FAM193A: variants seen among roughly 807,000 people sequenced by gnomAD.
FAM193A encodes the protein family with sequence similarity 193 member A.
In FAM193A, 22 loss-of-function variants were observed where a neutral mutation model predicts 126.5. The ratio of observed to expected loss-of-function variants is 0.17; its 90% CI spans 0.12 to 0.25. FAM193A has a LOEUF of 0.25. Ranked by LOEUF, FAM193A falls within the 10% of genes least tolerant of loss-of-function variation. The pLI is 1.00. For missense variants in FAM193A, 1,675 were observed against 1,672.8 expected (o/e 1.00, Z -0.02); for synonymous variants, 761 against 646.8 (o/e 1.18, Z -2.68).
intron 1 of FAM193A, among the ~76,000 whole-genome samples, chr4:2,572,240 A>C (rs1189060498): frequency 6.6e-6 from 1 of 151,134 alleles, no homozygotes; most frequent in Non-Finnish European, 1.5e-5. Context: ...GGGGCAGGAG[A>C]ATCGCTTGAA....
intron 20 of FAM193A, among the ~76,000 whole-genome samples, chr4:2,730,444 A>G (rs930517355): frequency 6.6e-6 from 1 of 152,124 alleles, no homozygotes. Flanking sequence ...TAATCCCAGC[A>G]TTTTGCGAGG....
At chr4:2,704,989 G>A (rs915156133) in intron 19 of FAM193A, among the ~76,000 whole-genome samples, 1 of 152,158 alleles carries the variant, frequency 6.6e-6, no homozygotes, top group African/African-American at 2.4e-5. Context: ...TCGGCTCACT[G>A]CAAGCTCCGC....
At chr4:2,601,227 C>CTT (rs1201989388) in intron 2 of FAM193A, among the ~76,000 whole-genome samples, 1,331 of 110,658 alleles carry the variant, frequency 0.012, 42 homozygotes, top group South Asian at 0.017. Context: ...TCTTCTTCTT[C>CTT]TTTTTTTTTT....
rs771979002 is a variant in FAM193A at position 2,676,036 on chromosome 4, A to G, written c.2331+3664A>G. 4.4e-4 allele frequency among the ~76,000 whole-genome samples: 67 copies of G among 152,240 alleles called. 1 individual carries two copies. The highest frequency in any genetic ancestry group is 6.9e-4 in the Non-Finnish European group (47 of 68,036). On this transcript the variant is annotated intron_variant, in intron 13 of 20. Transcript: ENST00000637812. ...CCCTATTTTGTGTCTCCATCAGTGAACACGTGTTGTTTCCATACATTAGCT... is the reference window on the plus strand; with the variant it reads ...CCCTATTTTGTGTCTCCATCAGTGAGCACGTGTTGTTTCCATACATTAGCT...
At chr4:2,666,845 G>A (rs1352689185) in intron 12 of FAM193A, among the ~76,000 whole-genome samples, 1 of 152,176 alleles carries the variant, frequency 6.6e-6, no homozygotes, top group African/African-American at 2.4e-5. Flanking sequence ...CTGCAGTGAT[G>A]CTAATTCTTG....
intron 2 of FAM193A, among the ~76,000 whole-genome samples, chr4:2,616,294 A>G (rs192701795): frequency 1.3e-5 from 2 of 152,280 alleles, no homozygotes; most frequent in East Asian, 3.9e-4. Context: ...TTTGTCTTAT[A>G]CTGAGAGCCA....
At position 2,659,896 on chromosome 4, in the gene FAM193A, C is replaced by T. The variant is rs1220066713; in HGVS notation, c.1587C>T (p.His529=). 1.2e-6 allele frequency: 2 copies of T among 1,614,028 alleles called. No individual in the cohort carries two copies. The highest frequency in any genetic ancestry group is 2.2e-5 in the East Asian group (1 of 44,892). Residue 529 remains histidine, a synonymous_variant, in exon 10 of 21, where the codon CAC becomes CAT. Transcript: ENST00000637812. The stretch of plus-strand genomic sequence containing the variant: ...CCGTCACTGATGACATCCACATTCA[C>T]CAGCTCCCACTTCAAGTGGATCCTG... ...DPPVTDDIHI[H]QLPLQVDPAP...
chr4:2,584,147 G>A (rs1164622967), intron 1 of FAM193A, among the ~76,000 whole-genome samples: 1 of 152,170 alleles, frequency 6.6e-6, no homozygotes, highest in East Asian at 1.9e-4. Flanking sequence ...GGTGTGAGGT[G>A]AAGTTGGAGG....
intron 13 of FAM193A, among the ~76,000 whole-genome samples, chr4:2,675,158 A>G (rs1714252327): frequency 6.6e-6 from 1 of 152,140 alleles, no homozygotes; most frequent in Non-Finnish European, 1.5e-5. Context: ...TTTATGGCCC[A>G]GAATTTGGTC....
At chr4:2,555,291 T>C (rs914711128) in intron 1 of FAM193A, among the ~76,000 whole-genome samples, 1 of 152,176 alleles carries the variant, frequency 6.6e-6, no homozygotes, top group African/African-American at 2.4e-5. Context: ...GTCATGGGCC[T>C]GTATAACATT....
At chr4:2,578,198 C>G (rs1011323826) in intron 1 of FAM193A, among the ~76,000 whole-genome samples, 1 of 152,178 alleles carries the variant, frequency 6.6e-6, no homozygotes, top group African/African-American at 2.4e-5. Flanking sequence ...CCTTGAGTAG[C>G]TGAGACCACA....
At chr4:2,675,006 CTG>C (rs1293565555) in intron 13 of FAM193A, among the ~76,000 whole-genome samples, 1 of 152,078 alleles carries the variant, frequency 6.6e-6, no homozygotes, top group African/African-American at 2.4e-5. Context: ...AAAATAAAAA[CTG>C]TAAGTGCCAG....
intron 5 of FAM193A, among the ~76,000 whole-genome samples, chr4:2,638,195 G>A (rs1023499370): frequency 6.6e-6 from 1 of 152,326 alleles, no homozygotes; most frequent in South Asian, 2.1e-4. Flanking sequence ...TGTACTCTTT[G>A]TCTTGTAGCT....
intron 13 of FAM193A, among the ~76,000 whole-genome samples, chr4:2,684,422 CTTGT>C (rs1560565200): frequency 1.3e-5 from 2 of 150,418 alleles, no homozygotes; most frequent in East Asian, 3.9e-4. Context: ...TCTCTTGTTC[CTTGT>C]TTTTTTTTTC....
intron 2 of FAM193A, among the ~76,000 whole-genome samples, chr4:2,606,198 TTG>T (rs1004653198): frequency 7.3e-5 from 11 of 151,172 alleles, no homozygotes; most frequent in Admixed American, 7.3e-4. Flanking sequence ...TTACAGGCGT[TTG>T]CCACTGCGCC....
chr4:2,623,000 C>G (rs1383575871), intron 2 of FAM193A, among the ~76,000 whole-genome samples: 1 of 152,124 alleles, frequency 6.6e-6, no homozygotes, highest in East Asian at 1.9e-4. Flanking sequence ...CTGTGTGACA[C>G]AACCAGCCTG....
intron 2 of FAM193A, among the ~76,000 whole-genome samples, chr4:2,604,472 A>C (rs1741407545): frequency 6.6e-6 from 1 of 152,128 alleles, no homozygotes; most frequent in Non-Finnish European, 1.5e-5. Context: ...TCTTCCTTAA[A>C]AAGTTTGTTT....
At chr4:2,556,352 C>T (rs547935106) in intron 1 of FAM193A, among the ~76,000 whole-genome samples, 3 of 152,146 alleles carry the variant, frequency 2.0e-5, no homozygotes, top group East Asian at 1.9e-4. Context: ...ACTACAGGTA[C>T]GCACCACCAA....
At chr4:2,627,575 CTTTT>C (rs753783682) in intron 4 of FAM193A, among the ~76,000 whole-genome samples, 1 of 64,008 alleles carries the variant, frequency 1.6e-5, no homozygotes, top group African/African-American at 5.5e-5. Context: ...ATTTGGGAGG[CTTTT>C]TTTTTTTTTT....
Sources: gnomAD v4.1 joint callset for allele counts (sites outside exome capture counted in the v4.1 genomes callset) on GRCh38, gnomAD v4.1.1 for gene constraint, MANE v1.5 for transcripts, NCBI Gene and HGNC (gene_info 2026-07-23, HGNC 2026-07-21) for gene names.